The following ZNF319 variants were observed in gnomAD, a reference collection of about 807,000 sequenced individuals.
The protein encoded by ZNF319 is zinc finger protein 319.
ZNF319 carries 15 observed loss-of-function variants against 46.0 expected under a neutral mutation model. The ratio of observed to expected loss-of-function variants is 0.33; its 90% CI spans 0.22 to 0.50. ZNF319 has a LOEUF of 0.50. Among genes scored for constraint, ZNF319 ranks in the 20% least tolerant of loss-of-function variants. The pLI is 0.98. For synonymous variants in ZNF319, 368 were observed against 364.0 expected, an observed-to-expected ratio of 1.01 and a Z score of -0.13; for missense variants, 635 against 807.0, an observed-to-expected ratio of 0.79 and a Z score of 2.58.
Position 57,997,903 on chromosome 16 carries a change from C to T in ZNF319, c.363G>A (p.Glu121=). Residue 121 remains glutamate (E), a synonymous_variant, in exon 2 of 2, where the codon GAG becomes GAA. Transcript: ENST00000299237. ...TCTGCTCAGCCTGCACGCACTGGTG[C>T]TCCAGCAGGTCAGTGGCCTGGTGGA... ...KIFHQATDLL[E]HQCVQAEQKP... is the part of the protein sequence containing the mutation. 6.2e-7 allele frequency: 1 copy of T among 1,613,594 alleles called. No individual in the cohort carries two copies. Among genetic ancestry groups the T allele is most frequent in the South Asian group, 1.1e-5 (1 of 91,092 alleles).
Position 57,995,660 on chromosome 16 carries a change from C to G in ZNF319, c.*857G>C, listed in dbSNP as rs1186621759. On this transcript the variant is annotated 3_prime_UTR_variant, in exon 2 of 2. Coordinates refer to ENST00000299237, the MANE Select transcript of ZNF319 (RefSeq NM_020807.3). ...TCCCAGCCTCAGGTGGGCTGACAAT[C>G]CCTGCCTTTCACACCAGCAGTTCTG... 6.5e-6 allele frequency: 1 copy of G among 152,776 alleles called. No individual in the cohort carries two copies. The highest frequency in any genetic ancestry group is 2.4e-5 in the African/African-American group (1 of 41,442). The allele number at this position is 152,776 out of a possible 1,614,324, so 9.5% of individuals were successfully genotyped here.
In ZNF319 at chr16:57,998,176, G is replaced by A. The variant is rs1963066221; in HGVS notation, c.90C>T (p.Ala30=). The A allele has an allele frequency of 6.4e-7, 1 of 1,563,988 alleles. No individual in the cohort carries two copies. Among genetic ancestry groups the A allele is most frequent in the African/African-American group, 1.4e-5 (1 of 74,032 alleles). ...QPQHHAEPPP[A]LAEHTLPPGT... ...CCGGAGGCAGCGTGTGCTCTGCCAG[G>A]GCTGGCGGTGGCTCTGCATGGTGCT... Residue 30 remains alanine (A), a synonymous_variant, in exon 2 of 2, where the codon GCC becomes GCT. Transcript: ENST00000299237.
At position 57,997,840 on chromosome 16, in the gene ZNF319, T is replaced by G; in HGVS notation, c.426A>C (p.Ser142=). 1 of 1,612,830 alleles carries G rather than the reference T, an allele frequency of 6.2e-7. No homozygotes were observed. Among genetic ancestry groups the G allele is most frequent in the Non-Finnish European group, 8.5e-7 (1 of 1,180,020 alleles). The part of the protein sequence containing the change: ...FVCGVCKMGF[S]LLTSLAQHHS... ...GGTGCTGTGCCAGTGAGGTGAGTAG[T>G]GAGAAGCCCATCTTGCAGACCCCAC... Residue 142 remains serine (S), a synonymous_variant, in exon 2 of 2, where the codon TCA becomes TCC. Coordinates refer to ENST00000299237, the MANE Select transcript of ZNF319 (RefSeq NM_020807.3).
chr16:57,998,730 C>A (rs541597424), intron 1 of ZNF319, among the ~76,000 whole-genome samples: 1 of 152,172 alleles, frequency 6.6e-6, no homozygotes, highest in African/African-American at 2.4e-5. Context: ...GAAATGGCAG[C>A]GGCCTCCACC....
At position 57,996,983 on chromosome 16, in the gene ZNF319, A is replaced by C; in HGVS notation, c.1283T>G (p.Phe428Cys). The C allele has an allele frequency of 2.5e-6, 4 of 1,604,738 alleles. No homozygotes were observed. The highest frequency in any genetic ancestry group is 3.4e-6 in the Non-Finnish European group (4 of 1,178,896). ...GGCCTTGTTGCACACAGGGCACTTGAAGGGCCGCTCGGCCGCGCCGGGCAG... is the reference window on the plus strand; with the variant it reads ...GGCCTTGTTGCACACAGGGCACTTGCAGGGCCGCTCGGCCGCGCCGGGCAG... ...KCLPGAAERP[F>C]KCPVCNKAYK... The change falls in exon 2 of 2, where the codon TTC (phenylalanine) becomes TGC (cysteine). Residue 428 changes from phenylalanine to cysteine, a missense_variant. Physicochemically the swap from Phe to Cys is radical, Grantham distance 205. Transcript: ENST00000299237.
chr16:57,996,772 C>G lies in ZNF319; in HGVS notation c.1494G>C (p.Ala498=), dbSNP rs145706746. 350 of 1,612,032 alleles carry G rather than the reference C, an allele frequency of 2.2e-4. No homozygotes were observed. Among genetic ancestry groups the G allele is most frequent in the Non-Finnish European group, 2.8e-4 (334 of 1,179,350 alleles). Residue 498 remains alanine, a synonymous_variant, in exon 2 of 2, where the codon GCG becomes GCC. Coordinates refer to ENST00000299237, the MANE Select transcript of ZNF319 (RefSeq NM_020807.3). ...CCCGCCGGTGCCGCTGCAGGTCTGA[C>G]GCGTACTTGAAGCGTTTCTCGCAGT... ...CPDCEKRFKY[A]SDLQRHRRVH...
Position 57,996,826 on chromosome 16 carries a change from C to G in ZNF319, c.1440G>C (p.Pro480=). 1.2e-6 allele frequency: 2 copies of G among 1,606,884 alleles called. No homozygotes were observed. Among genetic ancestry groups the G allele is most frequent in the Non-Finnish European group, 1.7e-6 (2 of 1,178,350 alleles). ...SSEFVQHRCD[P]AREKPLKCPD... is the part of the protein sequence containing the mutation. ...GGCACTTGAGTGGCTTCTCGCGGGC[C>G]GGATCGCAGCGGTGCTGCACGAACT... Residue 480 remains proline (P), a synonymous_variant, in exon 2 of 2, where the codon CCG becomes CCC. Coordinates refer to ENST00000299237, the MANE Select transcript of ZNF319 (RefSeq NM_020807.3).
In ZNF319 at chr16:57,997,012, C is replaced by T. The variant is rs1290798591; in HGVS notation, c.1254G>A (p.Lys418=). The T allele has an allele frequency of 1.2e-6, 2 of 1,607,080 alleles. No homozygotes were observed. Among genetic ancestry groups the T allele is most frequent in the Non-Finnish European group, 1.7e-6 (2 of 1,178,378 alleles). Residue 418 remains lysine, a synonymous_variant, in exon 2 of 2, where the codon AAG becomes AAA. Transcript: ENST00000299237. ...GCCGCTCGGCCGCGCCGGGCAGGCA[C>T]TTGTGCCGCAGCAGCTCGGCAGATT... is the stretch of plus-strand genomic sequence containing the variant. The part of the protein sequence containing the change: ...FDQSAELLRH[K]CLPGAAERPF...
At position 57,994,738 on chromosome 16, in the gene ZNF319, A is replaced by G. The variant is rs1263957802; in HGVS notation, c.*1779T>C. 1.3e-5 allele frequency: 2 copies of G among 152,258 alleles called. No homozygotes were observed. The highest frequency in any genetic ancestry group is 4.8e-5 in the African/African-American group (2 of 41,474). The allele number at this position is 152,258 out of a possible 1,614,324, so 9.4% of individuals were successfully genotyped here. On this transcript the variant is annotated 3_prime_UTR_variant, in exon 2 of 2. Coordinates refer to ENST00000299237, the MANE Select transcript of ZNF319 (RefSeq NM_020807.3). ...TTGGACTCACTATATATTAACATCA[A>G]AAGTGGCTACCTAAAATGGAGTCAT...
At position 57,996,687 on chromosome 16, in the gene ZNF319, C is replaced by G; in HGVS notation, c.1579G>C (p.Glu527Gln). 6.2e-7 allele frequency: 1 copy of G among 1,613,324 alleles called. No individual in the cohort carries two copies. The highest frequency in any genetic ancestry group is 8.5e-7 in the Non-Finnish European group (1 of 1,179,982). The change falls in exon 2 of 2, where the codon GAG (glutamate) becomes CAG (glutamine). Residue 527 changes from glutamate (E) to glutamine (Q), a missense_variant. Transcript: ENST00000299237. ...PNCDKAFKQR[E>Q]HLNKHQGVHA... ...ACGCCCTGGTGCTTGTTGAGATGCT[C>G]CCGCTGCTTGAAGGCCTTGTCGCAG...
Position 57,996,475 on chromosome 16 carries a change from G to GCGCC in ZNF319, c.*38_*41dup. 1 of 1,464,802 alleles carries GCGCC rather than the reference G, an allele frequency of 6.8e-7. No individual in the cohort carries two copies. Among genetic ancestry groups the GCGCC allele is most frequent in the Non-Finnish European group, 9.0e-7 (1 of 1,113,080 alleles). The allele number at this position is 1,464,802 out of a possible 1,614,324, so 90.7% of individuals were successfully genotyped here. ...CTGCGCGAGGCCTGCTGGGCCCACG[G>GCGCC]CGCCGACTCAGGTCAGGCTGGTAGG... On this transcript the variant is annotated 3_prime_UTR_variant, in exon 2 of 2. Coordinates refer to ENST00000299237, the MANE Select transcript of ZNF319 (RefSeq NM_020807.3).
In ZNF319 at chr16:57,998,119, G is replaced by A. The variant is rs1198854117; in HGVS notation, c.147C>T (p.Val49=). Residue 49 remains valine (V), a synonymous_variant, in exon 2 of 2, where the codon GTC becomes GTT. Transcript: ENST00000299237. ...GTAENPLGCA[V]YGILLQPDPG... is the part of the protein sequence containing the mutation. ...GGTCTGGCTGCAGGAGGATGCCATA[G>A]ACGGCACAGCCCAGGGGGTTCTCCG... is the stretch of plus-strand genomic sequence containing the variant. The A allele has an allele frequency of 1.2e-6, 2 of 1,605,794 alleles. No homozygotes were observed. The highest frequency in any genetic ancestry group is 1.7e-6 in the Non-Finnish European group (2 of 1,176,468).
chr16:57,998,818 T>G (rs1963085601), intron 1 of ZNF319, among the ~76,000 whole-genome samples: 1 of 151,902 alleles, frequency 6.6e-6, no homozygotes, highest in Non-Finnish European at 1.5e-5. Context: ...CTGCCAACCC[T>G]TTAGCTGAGA....
chr16:57,996,849 A>T lies in ZNF319; in HGVS notation c.1417T>A (p.Phe473Ile). The change falls in exon 2 of 2, where the codon TTC becomes ATC. Residue 473 changes from phenylalanine to isoleucine, a missense_variant. This residue lies in a region of ZNF319 where 270 missense variants were observed against 281.4 expected (regional missense o/e 0.96). Transcript: ENST00000299237. The part of the protein sequence containing the change: ...CERRFFSSSE[F>I]VQHRCDPARE... ...GCCGGATCGCAGCGGTGCTGCACGA[A>T]CTCGGAAGAGGAGAAGAAGCGGCGT... 1 of 1,605,544 alleles carries T rather than the reference A, an allele frequency of 6.2e-7. No homozygotes were observed. The highest frequency in any genetic ancestry group is 8.5e-7 in the Non-Finnish European group (1 of 1,178,496).
chr16:57,998,625 A>G (rs1375089354), intron 1 of ZNF319, 103 bp from the exon 2 acceptor site: 2 of 202,222 alleles, frequency 9.9e-6, no homozygotes, highest in African/African-American at 4.6e-5. Context: ...CACAAACCAC[A>G]CATCGGGGAA....
Position 57,996,785 on chromosome 16 carries a change from C to A in ZNF319, c.1481G>T (p.Arg494Leu), listed in dbSNP as rs375925354. Residue 494 changes from arginine (R) to leucine (L), a missense_variant, in exon 2 of 2, where the codon CGC becomes CTC. Physicochemically the swap from Arg to Leu is moderately radical, Grantham distance 102. Around this residue, in one of 3 missense-constraint regions of ZNF319, gnomAD observed 270 missense variants for 281.4 expected, o/e 0.96. Transcript: ENST00000299237. ...CTGCAGGTCTGACGCGTACTTGAAGCGTTTCTCGCAGTCTGGGCACTTGAG... is the reference window on the plus strand; with the variant it reads ...CTGCAGGTCTGACGCGTACTTGAAGAGTTTCTCGCAGTCTGGGCACTTGAG... ...KPLKCPDCEK[R>L]FKYASDLQRH... is the part of the protein sequence containing the mutation. The A allele has an allele frequency of 1.9e-6, 3 of 1,611,330 alleles. No individual in the cohort carries two copies. The highest frequency in any genetic ancestry group is 1.3e-5 in the African/African-American group (1 of 74,910).
rs762878772 is a variant in ZNF319, at chr16:57,996,739, T to C, written c.1527A>G (p.Thr509=). 6.2e-7 allele frequency: 1 copy of C among 1,600,316 alleles called. No homozygotes were observed. Reference sequence around the variant, plus strand: ...TGGGGCACTTGTAGGGCTTCTCGCCTGTGTGTACCCGCCGGTGCCGCTGCA... The same window carrying C: ...TGGGGCACTTGTAGGGCTTCTCGCCCGTGTGTACCCGCCGGTGCCGCTGCA... ...SDLQRHRRVH[T]GEKPYKCPNC... Residue 509 remains threonine (T), a synonymous_variant, in exon 2 of 2, where the codon ACA becomes ACG. Transcript: ENST00000299237.
chr16:57,997,278 G>A lies in ZNF319; in HGVS notation c.988C>T (p.Leu330=), dbSNP rs376068766. The part of the protein sequence containing the change: ...CQKAFKRPSD[L]RQHERTHSAE... ...CTGTGTGTGCGCTCATGCTGCCGCA[G>A]GTCCGAGGGCCGCTTGAAGGCCTTC... is the stretch of plus-strand genomic sequence containing the variant. Residue 330 remains leucine, a synonymous_variant, in exon 2 of 2, where the codon CTG becomes TTG. Coordinates refer to ENST00000299237, the MANE Select transcript of ZNF319 (RefSeq NM_020807.3). The A allele has an allele frequency of 1.9e-6, 3 of 1,611,076 alleles. No individual in the cohort carries two copies. The highest frequency in any genetic ancestry group is 2.7e-5 in the African/African-American group (2 of 74,924).
Position 57,998,282 on chromosome 16 carries a change from C to T in ZNF319, c.-17G>A, listed in dbSNP as rs954746446. 4 of 1,518,868 alleles carry T rather than the reference C, an allele frequency of 2.6e-6. No individual in the cohort carries two copies. In the African/African-American group the frequency reaches 4.2e-5, roughly 16 times the overall value. 94.1% of individuals were successfully genotyped at this position (1,518,868 alleles called of 1,614,324 possible). A position where few individuals can be genotyped will look rare whatever the true frequency, so the allele number is the denominator to read the frequency against. On this transcript the variant is annotated 5_prime_UTR_variant, in exon 2 of 2. Coordinates refer to ENST00000299237, the MANE Select transcript of ZNF319 (RefSeq NM_020807.3). ...TTCCGACATGCTTGGGAAGATGAAA[C>T]AGGGTTTGGAGAGTAATGGCTTCAG...
Sources: gnomAD v4.1 joint callset for allele counts (sites outside exome capture counted in the v4.1 genomes callset) on GRCh38, gnomAD v4.1.1 for gene constraint, gnomAD v4.1.1 regional missense constraint, MANE v1.5 for transcripts, NCBI Gene and HGNC (gene_info 2026-07-23, HGNC 2026-07-21) for gene names.